Variants in CFAP263 observed in about 807,000 individuals in gnomAD.
CFAP263 encodes the protein cilia- and flagella-associated protein 263.
chr16:58,259,799 T>C, the CFAP263 span: 6 of 1,174,706 alleles, frequency 5.1e-6, no homozygotes, highest in Admixed American at 1.2e-4. Flanking sequence ...TTCAAACCAA[T>C]GGGAAAAAGG....
the CFAP263 span, among the ~76,000 whole-genome samples, chr16:58,257,374 C>A: frequency 2.5e-4 from 38 of 152,094 alleles, 1 homozygote; most frequent in African/African-American, 9.2e-4. Flanking sequence ...CTGTATTTTT[C>A]ACTTAACAAC....
chr16:58,283,163 T>A, the CFAP263 span: 1 of 152,246 alleles, frequency 6.6e-6, no homozygotes, highest in Non-Finnish European at 1.5e-5. Flanking sequence ...GCAGAGTGAT[T>A]CTGCTTTTGT....
the CFAP263 span, among the ~76,000 whole-genome samples, chr16:58,274,994 T>C: frequency 6.6e-6 from 1 of 152,202 alleles, no homozygotes; most frequent in African/African-American, 2.4e-5. Context: ...ATTATACTTA[T>C]CTTAGGTATT....
At chr16:58,262,087 C>T in the CFAP263 span, among the ~76,000 whole-genome samples, 4 of 152,126 alleles carry the variant, frequency 2.6e-5, no homozygotes, top group Admixed American at 2.0e-4. Context: ...GCCCTCTGCC[C>T]CCACTCCCCC....
the CFAP263 span, chr16:58,250,204 G>A: frequency 2.8e-6 from 2 of 712,726 alleles, no homozygotes; most frequent in Admixed American, 2.6e-5. Flanking sequence ...GCATGGAGAA[G>A]ATCCAAGCCC....
At chr16:58,254,978 C>G in the CFAP263 span, among the ~76,000 whole-genome samples, 1 of 152,058 alleles carries the variant, frequency 6.6e-6, no homozygotes, top group Non-Finnish European at 1.5e-5. Flanking sequence ...AGGGACAGAA[C>G]CAAGAGTATA....
chr16:58,277,126 ATTTTTTTTTAAATT>A, the CFAP263 span, among the ~76,000 whole-genome samples: 50 of 150,800 alleles, frequency 3.3e-4, no homozygotes, highest in Admixed American at 9.9e-4. Context: ...TAATGTTAAA[ATTTTTTTTTAAATT>A]TTTTTTTTTA....
the CFAP263 span, among the ~76,000 whole-genome samples, chr16:58,262,175 G>A: frequency 6.6e-6 from 1 of 151,750 alleles, no homozygotes; most frequent in Non-Finnish European, 1.5e-5. Context: ...CATATGCACT[G>A]CCTGGGGCCA....
At chr16:58,258,466 G>C in the CFAP263 span, 1 of 1,613,832 alleles carries the variant, frequency 6.2e-7, no homozygotes, top group South Asian at 1.1e-5. Context: ...AGAAGAAAGG[G>C]AGTATTTTGG....
chr16:58,280,250 G>A, the CFAP263 span: 3 of 1,612,984 alleles, frequency 1.9e-6, no homozygotes, highest in Non-Finnish European at 1.7e-6. Context: ...AAGAAAACAA[G>A]CACGAAGGAA....
chr16:58,265,087 A>C, the CFAP263 span, among the ~76,000 whole-genome samples: 1 of 152,338 alleles, frequency 6.6e-6, no homozygotes, highest in East Asian at 1.9e-4. Flanking sequence ...AGCTGCGATG[A>C]GTCACTCCAG....
At chr16:58,250,376 A>C in the CFAP263 span, 3 of 403,438 alleles carry the variant, frequency 7.4e-6, no homozygotes, top group African/African-American at 4.3e-5. Flanking sequence ...CAGCCGGAGG[A>C]GTCTCTCTCA....
the CFAP263 span, among the ~76,000 whole-genome samples, chr16:58,277,021 G>T: frequency 4.3e-3 from 652 of 152,288 alleles, 7 homozygotes; most frequent in African/African-American, 0.014. Context: ...TTCCTGATGG[G>T]GTGACAGGAG....
chr16:58,272,015 A>G, the CFAP263 span, among the ~76,000 whole-genome samples: 2 of 148,454 alleles, frequency 1.3e-5, no homozygotes, highest in Non-Finnish European at 3.0e-5. Flanking sequence ...TTCCACTCAT[A>G]GATTTTTTTT....
chr16:58,280,869 G>T, the CFAP263 span: 1 of 964,082 alleles, frequency 1.0e-6, no homozygotes, highest in Non-Finnish European at 1.5e-6. Context: ...GGTTCTCACT[G>T]GAAATGGGGC....
the CFAP263 span, chr16:58,250,237 T>C: frequency 1.7e-6 from 1 of 590,544 alleles, no homozygotes; most frequent in African/African-American, 2.0e-5. Flanking sequence ...GGGGAGACTT[T>C]TCCTCTTTAC....
chr16:58,251,411 G>A, the CFAP263 span, among the ~76,000 whole-genome samples: 8 of 152,188 alleles, frequency 5.3e-5, no homozygotes, highest in South Asian at 1.2e-3. Flanking sequence ...TTTTTGATAC[G>A]GAATCTCACT....
chr16:58,280,563 C>T, the CFAP263 span: 2 of 1,614,172 alleles, frequency 1.2e-6, no homozygotes, highest in African/African-American at 1.3e-5. Flanking sequence ...AAGAAATCAA[C>T]TTTTCCCAGT....
chr16:58,283,139 C>T, the CFAP263 span: 1 of 152,196 alleles, frequency 6.6e-6, no homozygotes, highest in Non-Finnish European at 1.5e-5. Context: ...AGAATAAAGG[C>T]AGGATGGGTG....
Sources: allele counts gnomAD v4.1 joint callset (sites outside exome capture counted in the v4.1 genomes callset), GRCh38; gene constraint gnomAD v4.1.1; transcripts MANE v1.5; gene names NCBI Gene and HGNC (gene_info 2026-07-23, HGNC 2026-07-21).